The following CXCL13 variants were observed in gnomAD, a reference collection of about 807,000 sequenced individuals.
CXCL13 encodes C-X-C motif chemokine ligand 13, also known as C-X-C motif chemokine 13.
CXCL13 carries 7 observed loss-of-function variants against 12.2 expected under a neutral mutation model. That is an observed-to-expected ratio of 0.57 (90% CI 0.33 to 1.07). The LOEUF is 1.07. Among genes scored for constraint, CXCL13 ranks in the 50% least tolerant of loss-of-function variants. The pLI is 0.04. For missense variants in CXCL13, 113 were observed against 127.4 expected (o/e 0.89, Z 0.55); for synonymous variants, 47 against 42.4 (o/e 1.11, Z -0.42).
intron 1 of CXCL13, among the ~76,000 whole-genome samples, chr4:77,519,656 C>G (rs1453951568): frequency 6.6e-6 from 1 of 152,128 alleles, no homozygotes; most frequent in African/African-American, 2.4e-5. Flanking sequence ...TTCTCCCATT[C>G]TGTAGGTTGC....
chr4:77,611,085 G>C lies in CXCL13; in HGVS notation c.*46G>C. On this transcript the variant is annotated 3_prime_UTR_variant, in exon 4 of 4. Transcript: ENST00000682537. Reference sequence around the variant, plus strand: ...ACACCTGCATTCTTCCCTTATCCCTGCTCTGGATTTTAGTTTTGTGCTTAG... The same window carrying C: ...ACACCTGCATTCTTCCCTTATCCCTCCTCTGGATTTTAGTTTTGTGCTTAG... 6.7e-7 allele frequency: 1 copy of C among 1,487,196 alleles called. No individual in the cohort carries two copies. Among genetic ancestry groups the C allele is most frequent in the Non-Finnish European group, 9.3e-7 (1 of 1,078,942 alleles). The allele number at this position is 1,487,196 out of a possible 1,614,324, so 92.1% of individuals were successfully genotyped here.
intron 1 of CXCL13, among the ~76,000 whole-genome samples, chr4:77,540,906 G>A (rs945713210): frequency 6.6e-5 from 10 of 152,082 alleles, no homozygotes; most frequent in African/African-American, 2.4e-4. Flanking sequence ...TTTCTCCACA[G>A]CATCACCATC....
chr4:77,582,867 T>C (rs1345806575), intron 1 of CXCL13, among the ~76,000 whole-genome samples: 1 of 152,064 alleles, frequency 6.6e-6, no homozygotes, highest in Non-Finnish European at 1.5e-5. Context: ...ATGTAGACAA[T>C]GAAATCAACA....
intron 1 of CXCL13, among the ~76,000 whole-genome samples, chr4:77,547,469 C>T (rs1189708421): frequency 6.6e-6 from 1 of 152,116 alleles, no homozygotes; most frequent in African/African-American, 2.4e-5. Context: ...TTGAATTGGT[C>T]CCTTTACCAT....
At chr4:77,562,092 A>G (rs1235600535) in intron 1 of CXCL13, among the ~76,000 whole-genome samples, 2 of 152,048 alleles carry the variant, frequency 1.3e-5, no homozygotes, top group Non-Finnish European at 2.9e-5. Context: ...GCGGGGCCTC[A>G]GCTGCCTCCC....
intron 1 of CXCL13, among the ~76,000 whole-genome samples, chr4:77,549,552 A>G (rs1276457468): frequency 1.3e-5 from 2 of 152,170 alleles, no homozygotes; most frequent in Non-Finnish European, 2.9e-5. Context: ...TGTTGGTGCT[A>G]TTCCTTTCTG....
intron 1 of CXCL13, among the ~76,000 whole-genome samples, chr4:77,564,682 C>A (rs750118240): frequency 6.6e-6 from 1 of 152,216 alleles, no homozygotes; most frequent in Non-Finnish European, 1.5e-5. Context: ...GGGCACCTAG[C>A]AAGTGCTGGA....
intron 1 of CXCL13, among the ~76,000 whole-genome samples, chr4:77,544,791 T>G (rs1725310036): frequency 6.6e-6 from 1 of 152,226 alleles, no homozygotes; most frequent in Non-Finnish European, 1.5e-5. Flanking sequence ...TTGCCATTGC[T>G]TTTGGTATTT....
At chr4:77,531,028 A>G (rs1724902513) in intron 1 of CXCL13, among the ~76,000 whole-genome samples, 1 of 151,194 alleles carries the variant, frequency 6.6e-6, no homozygotes, top group South Asian at 2.1e-4. Context: ...TCATTTCGTT[A>G]TGTACCCAGT....
chr4:77,551,276 T>A (rs1290987334), intron 1 of CXCL13, among the ~76,000 whole-genome samples: 1 of 152,164 alleles, frequency 6.6e-6, no homozygotes, highest in Non-Finnish European at 1.5e-5. Context: ...TGTTTCCATG[T>A]TTAAAATTCC....
intron 1 of CXCL13, among the ~76,000 whole-genome samples, chr4:77,522,353 T>G (rs1265879207): frequency 6.6e-6 from 1 of 152,054 alleles, no homozygotes; most frequent in Admixed American, 6.6e-5. Context: ...ACTTGCTTTA[T>G]GAATCTGGGT....
rs1036065087 is a variant in CXCL13, at chr4:77,611,665, G to A, written c.*626G>A. The A allele has an allele frequency of 5.1e-6, 2 of 395,166 alleles. No individual in the cohort carries two copies. The highest frequency in any genetic ancestry group is 8.9e-6 in the Non-Finnish European group (2 of 224,362). The allele number at this position is 395,166 out of a possible 1,614,324, so 24.5% of individuals were successfully genotyped here. A position where few individuals can be genotyped will look rare whatever the true frequency, so the allele number is the denominator to read the frequency against. On this transcript the variant is annotated 3_prime_UTR_variant, in exon 4 of 4. Transcript: ENST00000682537. The stretch of plus-strand genomic sequence containing the variant: ...TCAGGGAAAGCATTTAAAGGGTGAT[G>A]TACACATGTATCCTTTCACACATTT...
At chr4:77,561,838 G>A (rs961938374) in intron 1 of CXCL13, among the ~76,000 whole-genome samples, 1 of 152,192 alleles carries the variant, frequency 6.6e-6, no homozygotes, top group East Asian at 1.9e-4. Context: ...CCCCTCTCTG[G>A]GCTGGCCGAG....
intron 1 of CXCL13, among the ~76,000 whole-genome samples, chr4:77,513,252 G>A (rs1407063945): frequency 1.3e-5 from 2 of 152,158 alleles, no homozygotes; most frequent in South Asian, 4.1e-4. Flanking sequence ...AATAAAGCAT[G>A]TGTCTTTATA....
intron 1 of CXCL13, among the ~76,000 whole-genome samples, chr4:77,576,687 C>T (rs2109821956): frequency 6.6e-6 from 1 of 152,274 alleles, no homozygotes; most frequent in South Asian, 2.1e-4. Flanking sequence ...TGGATGGGCT[C>T]AGCTTTAAAA....
intron 1 of CXCL13, among the ~76,000 whole-genome samples, chr4:77,535,201 G>A (rs565235525): frequency 1.8e-3 from 275 of 152,254 alleles, no homozygotes; most frequent in African/African-American, 6.3e-3. Flanking sequence ...GGAAGAACTG[G>A]GGGCCTTTAG....
chr4:77,548,538 C>T (rs1459149743), intron 1 of CXCL13, among the ~76,000 whole-genome samples: 1 of 152,192 alleles, frequency 6.6e-6, no homozygotes, highest in East Asian at 1.9e-4. Context: ...TTTGAGCAAT[C>T]TTGATTTTGG....
chr4:77,547,848 T>C (rs886422015), intron 1 of CXCL13, among the ~76,000 whole-genome samples: 2 of 152,192 alleles, frequency 1.3e-5, no homozygotes, highest in Admixed American at 6.5e-5. Context: ...TACAATTTGG[T>C]ATGTTTTTGC....
intron 1 of CXCL13, among the ~76,000 whole-genome samples, chr4:77,530,760 G>T (rs559581530): frequency 7.3e-5 from 11 of 151,244 alleles, no homozygotes; most frequent in African/African-American, 2.5e-4. Context: ...AGGGTTTTTT[G>T]TGTCTCTATT....
Sources: gnomAD v4.1 joint callset for allele counts (sites outside exome capture counted in the v4.1 genomes callset) on GRCh38, gnomAD v4.1.1 for gene constraint, MANE v1.5 for transcripts, NCBI Gene and HGNC (gene_info 2026-07-23, HGNC 2026-07-21) for gene names.